RGPD2: variants seen among roughly 807,000 people sequenced by gnomAD.
The protein encoded by RGPD2 is RANBP2-like and GRIP domain-containing protein 2.
In RGPD2, 2 loss-of-function variants were observed where a neutral mutation model predicts 36.0. The observed-to-expected ratio is 0.06, with a 90% CI of 0.02 to 0.17. The LOEUF (loss-of-function observed/expected upper bound fraction) is 0.17, where lower values mean the gene tolerates loss of function less well. RGPD2 is among the 10% of genes least tolerant of loss of function. The pLI, the probability that RGPD2 is intolerant of heterozygous loss-of-function variation, is 1.00. For synonymous variants in RGPD2, 19 were observed against 163.8 expected (o/e 0.12, Z 6.75); for missense variants, 40 against 464.3 (o/e 0.09, Z 8.40).
the RGPD2 span, among the ~76,000 whole-genome samples, chr2:87,957,235 C>G: frequency 4.5e-5 from 1 of 22,346 alleles, no homozygotes; most frequent in Non-Finnish European, 1.7e-4. Context: ...GACAAGGTCA[C>G]TGGGGGGGGG....
chr2:87,836,997 T>C, the RGPD2 span, among the ~76,000 whole-genome samples: 1 of 152,068 alleles, frequency 6.6e-6, no homozygotes, highest in East Asian at 1.9e-4. Flanking sequence ...GAGCGTTACA[T>C]AATGATAAAA....
chr2:87,847,283 T>G, the RGPD2 span, among the ~76,000 whole-genome samples: 1 of 152,248 alleles, frequency 6.6e-6, no homozygotes, highest in Non-Finnish European at 1.5e-5. Context: ...ATATCTATAT[T>G]CAAATCTCAT....
chr2:87,966,432 A>T, the RGPD2 span, among the ~76,000 whole-genome samples: 3 of 147,636 alleles, frequency 2.0e-5, no homozygotes, highest in East Asian at 2.1e-4. Context: ...AGGGGAGGGG[A>T]TTGTTAAAAC....
At chr2:87,922,954 C>T in the RGPD2 span, among the ~76,000 whole-genome samples, 2 of 151,466 alleles carry the variant, frequency 1.3e-5, no homozygotes, top group Non-Finnish European at 2.9e-5. Flanking sequence ...TTTTTTTTCT[C>T]CTAATGTCTT....
chr2:87,897,855 C>A, the RGPD2 span, among the ~76,000 whole-genome samples: 1 of 151,876 alleles, frequency 6.6e-6, no homozygotes, highest in African/African-American at 2.4e-5. Flanking sequence ...GCAACAAAGA[C>A]AAGGTTGCAT....
the RGPD2 span, among the ~76,000 whole-genome samples, chr2:87,985,426 C>T: frequency 6.7e-6 from 1 of 148,840 alleles, no homozygotes; most frequent in Admixed American, 6.7e-5. Flanking sequence ...GTTTCTTCAT[C>T]AATAAAACCA....
At chr2:87,824,745 C>CCAG (rs1686566854) in intron 1 of RGPD2, among the ~76,000 whole-genome samples, 2 of 86,900 alleles carry the variant, frequency 2.3e-5, no homozygotes, top group Non-Finnish European at 4.9e-5. Context: ...AGGCCGAGGC[C>CCAG]GCCGCCGCCG....
At chr2:87,915,647 CAT>C in the RGPD2 span, among the ~76,000 whole-genome samples, 3 of 144,956 alleles carry the variant, frequency 2.1e-5, no homozygotes, top group East Asian at 2.0e-4. Context: ...TATATATACA[CAT>C]ATATATGTGT....
the RGPD2 span, among the ~76,000 whole-genome samples, chr2:87,875,073 G>A: frequency 6.6e-6 from 1 of 152,248 alleles, no homozygotes; most frequent in Non-Finnish European, 1.5e-5. Flanking sequence ...TAGAGACATT[G>A]CTAAAGTTGC....
At chr2:87,930,826 C>A in the RGPD2 span, among the ~76,000 whole-genome samples, 1 of 117,382 alleles carries the variant, frequency 8.5e-6, no homozygotes, top group Admixed American at 8.8e-5. Flanking sequence ...TTATCCATTT[C>A]TTCCAGTTTT....
chr2:87,847,517 T>G, the RGPD2 span, among the ~76,000 whole-genome samples: 1 of 148,028 alleles, frequency 6.8e-6, no homozygotes, highest in East Asian at 1.9e-4. Context: ...TTTTTTTTTT[T>G]GAGACGAAGT....
the RGPD2 span, among the ~76,000 whole-genome samples, chr2:87,888,285 G>A: frequency 6.6e-6 from 1 of 151,708 alleles, no homozygotes; most frequent in Non-Finnish European, 1.5e-5. Context: ...AGGATTTAAC[G>A]ATGCTGCTAT....
chr2:87,877,804 C>CAAAAAAAAAAAAAAAAAAAAAAAAAAAA, the RGPD2 span, among the ~76,000 whole-genome samples: 4 of 84,380 alleles, frequency 4.7e-5, no homozygotes, highest in Non-Finnish European at 6.4e-5. Flanking sequence ...GACTCCGTCT[C>CAAAAAAAAAAAAAAAAAAAAAAAAAAAA]AAAAAAAAAA....
the RGPD2 span, among the ~76,000 whole-genome samples, chr2:87,964,815 A>ATTG: frequency 1.3e-5 from 1 of 77,886 alleles, no homozygotes; most frequent in Non-Finnish European, 3.0e-5. Context: ...TTATTTATTT[A>ATTG]TTTTTCTTTT....
At chr2:87,825,427 C>CCGT (rs1485492114) in intron 1 of RGPD2, among the ~76,000 whole-genome samples, 1 of 112,754 alleles carries the variant, frequency 8.9e-6, no homozygotes, top group South Asian at 2.6e-4. Context: ...GCCGCCGCCG[C>CCGT]CGCCGCCGCC....
chr2:87,861,723 A>G, the RGPD2 span, among the ~76,000 whole-genome samples: 1 of 150,000 alleles, frequency 6.7e-6, no homozygotes, highest in African/African-American at 2.5e-5. Flanking sequence ...GCACCATTGC[A>G]GACCATATAG....
the RGPD2 span, among the ~76,000 whole-genome samples, chr2:87,887,173 A>G: frequency 3.3e-5 from 5 of 152,022 alleles, no homozygotes; most frequent in South Asian, 6.2e-4. Context: ...TGCTTTGCTT[A>G]GGCCATTTTA....
At chr2:87,964,472 C>CA in the RGPD2 span, among the ~76,000 whole-genome samples, 1 of 152,094 alleles carries the variant, frequency 6.6e-6, no homozygotes, top group African/African-American at 2.4e-5. Flanking sequence ...TTGTACTTCA[C>CA]AGATACTATG....
At chr2:87,885,483 A>C in the RGPD2 span, among the ~76,000 whole-genome samples, 3 of 151,852 alleles carry the variant, frequency 2.0e-5, no homozygotes, top group South Asian at 4.1e-4. Context: ...TAAATATAGT[A>C]CTGGAAGTCC....
Sources: allele counts gnomAD v4.1 joint callset (sites outside exome capture counted in the v4.1 genomes callset), GRCh38; gene constraint gnomAD v4.1.1; transcripts MANE v1.5; gene names NCBI Gene and HGNC (gene_info 2026-07-23, HGNC 2026-07-21).